Variants in IGSF3 observed in about 807,000 individuals in gnomAD.
IGSF3 encodes immunoglobulin superfamily member 3, also known as glu-Trp-Ile EWI motif-containing protein 3.
In IGSF3, 23 loss-of-function variants were observed where a neutral mutation model predicts 114.4. The observed-to-expected ratio is 0.20, with a 90% CI of 0.14 to 0.28. IGSF3 has a LOEUF of 0.28. Among genes scored for constraint, IGSF3 ranks in the 10% least tolerant of loss-of-function variants. IGSF3 has a pLI of 1.00. For synonymous variants in IGSF3, 571 were observed against 645.2 expected (o/e 0.88, Z 1.74); for missense variants, 1,172 against 1,591.5 (o/e 0.74, Z 4.48).
chr1:116,587,455 T>A (rs1571121966), intron 8 of IGSF3, among the ~76,000 whole-genome samples: 1 of 152,130 alleles, frequency 6.6e-6, no homozygotes, highest in Admixed American at 6.5e-5. Context: ...TGAATATCTA[T>A]GGCCAACATG....
At position 116,657,092 on chromosome 1, in the gene IGSF3, G is replaced by A. The variant is rs1296612840; in HGVS notation, c.43+9192C>T. On this transcript the variant is annotated intron_variant, in intron 2 of 10. Transcript: ENST00000369486. The surrounding 1 kb of genome is among the most constrained non-coding windows in gnomAD (Gnocchi z 4.2). ...ACTTACTTCAAATCAAATCTTAAGTGAAAATCAAGATTTCCTTTTGGGGGC... is the reference window on the plus strand; with the variant it reads ...ACTTACTTCAAATCAAATCTTAAGTAAAAATCAAGATTTCCTTTTGGGGGC... Among the ~76,000 whole-genome samples the A allele has an allele frequency of 6.6e-6, 1 of 152,122 alleles. No homozygotes were observed. The highest frequency in any genetic ancestry group is 1.5e-5 in the Non-Finnish European group (1 of 68,026).
chr1:116,581,442 A>ATG (rs1305369621), intron 9 of IGSF3, among the ~76,000 whole-genome samples: 2 of 151,512 alleles, frequency 1.3e-5, no homozygotes, highest in African/African-American at 2.4e-5. Flanking sequence ...AAAGGTGCCA[A>ATG]TGTAATGTAA....
intron 2 of IGSF3, among the ~76,000 whole-genome samples, chr1:116,645,466 A>G (rs2101061168): frequency 6.6e-6 from 1 of 152,358 alleles, no homozygotes; most frequent in South Asian, 2.1e-4. Flanking sequence ...ACAAAGAATT[A>G]CATATTTTAA....
intron 8 of IGSF3, among the ~76,000 whole-genome samples, chr1:116,587,968 G>T (rs1307953069): frequency 1.3e-5 from 2 of 152,222 alleles, no homozygotes; most frequent in Non-Finnish European, 2.9e-5. Flanking sequence ...CAGAGAAGGG[G>T]CATACATTTC....
rs1660004857 is a variant in IGSF3, at chr1:116,589,572, A to G, written c.2030-468T>C. On this transcript the variant is annotated intron_variant, in intron 7 of 10. Transcript: ENST00000369486. This position sits in a 1 kb window ranked among gnomAD's most constrained non-coding sequence, Gnocchi z 5.7. Reference sequence around the variant, plus strand: ...CTCCACAGGCGCATGCCCCTGGTGCAGTTTCCCTGAGCCCTGGCCTTTGCC... The same window carrying G: ...CTCCACAGGCGCATGCCCCTGGTGCGGTTTCCCTGAGCCCTGGCCTTTGCC... Among the ~76,000 whole-genome samples, 1 of 151,984 alleles carries G rather than the reference A, an allele frequency of 6.6e-6. No homozygotes were observed.
rs919067937 is a variant in IGSF3 at position 116,627,682 on chromosome 1, G to C, written c.44-11225C>G. 6.6e-6 allele frequency among the ~76,000 whole-genome samples: 1 copy of C among 152,192 alleles called. No individual in the cohort carries two copies. The highest frequency in any genetic ancestry group is 1.5e-5 in the Non-Finnish European group (1 of 68,030). On this transcript the variant is annotated intron_variant, in intron 2 of 10. Transcript: ENST00000369486. The surrounding 1 kb of genome is among the most constrained non-coding windows in gnomAD (Gnocchi z 4.7). ...GCGCCAACAGCAAAAGCACTTGGGG[G>C]GCTTTTTCAAGTGGCATCAGAACTA...
In IGSF3 at chr1:116,600,794, C is replaced by T. The variant is rs4078650; in HGVS notation, c.1625-449G>A. 0.029 allele frequency among the ~76,000 whole-genome samples: 4,356 copies of T among 151,858 alleles called. 86 individuals are homozygous for T. Among genetic ancestry groups the T allele is most frequent in the Non-Finnish European group, 0.043 (2,933 of 67,752 alleles). ...AACACCACTTTTCCTGGTCCCTTAG[C>T]GCACTGGTGCCGAGAAGGGAAGCAG... On this transcript the variant is annotated intron_variant, in intron 6 of 10. Coordinates refer to ENST00000369486, the MANE Select transcript of IGSF3 (RefSeq NM_001007237.3). The surrounding 1 kb of genome is among the most constrained non-coding windows in gnomAD (Gnocchi z 5.5).
intron 6 of IGSF3, among the ~76,000 whole-genome samples, chr1:116,602,856 T>C (rs1432334035): frequency 6.6e-6 from 1 of 152,246 alleles, no homozygotes; most frequent in Non-Finnish European, 1.5e-5. Context: ...TAAATGTTGA[T>C]AGAAGCCTCT....
Position 116,588,367 on chromosome 1 carries a change from A to C in IGSF3, c.2440+327T>G, listed in dbSNP as rs1474352410. On this transcript the variant is annotated intron_variant, in intron 8 of 10. Coordinates refer to ENST00000369486, the MANE Select transcript of IGSF3 (RefSeq NM_001007237.3). The surrounding 1 kb of genome is among the most constrained non-coding windows in gnomAD (Gnocchi z 4.9). The stretch of plus-strand genomic sequence containing the variant: ...GCCCAAGATTCAGGGTGCAAACTGC[A>C]AACCCAGAAGAAGATTCAGGAGCTG... Among the ~76,000 whole-genome samples, 1 of 152,206 alleles carries C rather than the reference A, an allele frequency of 6.6e-6. No individual in the cohort carries two copies. The highest frequency in any genetic ancestry group is 2.4e-5 in the African/African-American group (1 of 41,444).
Position 116,600,342 on chromosome 1 carries a change from A to G in IGSF3, c.1628T>C (p.Met543Thr), listed in dbSNP as rs376119768. 6.5e-5 allele frequency: 104 copies of G among 1,604,966 alleles called. No homozygotes were observed. Among genetic ancestry groups the G allele is most frequent in the Non-Finnish European group, 8.0e-5 (94 of 1,174,144 alleles). Residue 543 changes from methionine to threonine, a missense_variant, in exon 7 of 11, where the codon ATG (methionine) becomes ACG (threonine). This residue lies in a region of IGSF3 where 736 missense variants were observed against 1,042.0 expected (regional missense o/e 0.71). Coordinates refer to ENST00000369486, the MANE Select transcript of IGSF3 (RefSeq NM_001007237.3). The surrounding 1 kb of genome is among the most constrained non-coding windows in gnomAD (Gnocchi z 5.5). ...STPISITALE[M>T]GFAVTAISRT... ...GGAGATGGCTGTGACTGCGAAGCCC[A>G]TTTCTGGAGAGAAAGCAGAGAGATT...
Position 116,584,895 on chromosome 1 carries a change from A to G in IGSF3, c.2598T>C (p.Thr866=). 6.2e-7 allele frequency: 1 copy of G among 1,614,190 alleles called. No individual in the cohort carries two copies. The highest frequency in any genetic ancestry group is 8.5e-7 in the Non-Finnish European group (1 of 1,180,020). ...TGGCGTCACGGCTCAAGCGGGCCAC[A>G]GTCTCCCGCTCAGGGTGGTTGGGCT... ...VWKPNHPERE[T]VARLSRDATF... The change falls in exon 9 of 11, where the codon ACT becomes ACC. Residue 866 remains threonine, a synonymous_variant. Coordinates refer to ENST00000369486, the MANE Select transcript of IGSF3 (RefSeq NM_001007237.3). The surrounding 1 kb of genome is among the most constrained non-coding windows in gnomAD (Gnocchi z 5.8).
rs1156341357 is a variant in IGSF3 at position 116,634,024 on chromosome 1, G to A, written c.44-17567C>T. ...TCAGCCCTGCTAATGTGTACAGTCA[G>A]CATCAAAGAGGTAACAATGGTAGAG... On this transcript the variant is annotated intron_variant, in intron 2 of 10. Coordinates refer to ENST00000369486, the MANE Select transcript of IGSF3 (RefSeq NM_001007237.3). This position sits in a 1 kb window ranked among gnomAD's most constrained non-coding sequence, Gnocchi z 4.2. Among the ~76,000 whole-genome samples, 1 of 152,194 alleles carries A rather than the reference G, an allele frequency of 6.6e-6. No homozygotes were observed. Among genetic ancestry groups the A allele is most frequent in the East Asian group, 1.9e-4 (1 of 5,190 alleles).
rs894859265 is a variant in IGSF3, at chr1:116,594,709, A to C, written c.2029+5232T>G. Among the ~76,000 whole-genome samples the C allele has an allele frequency of 1.3e-5, 2 of 151,922 alleles. No individual in the cohort carries two copies. The highest frequency in any genetic ancestry group is 2.9e-5 in the Non-Finnish European group (2 of 67,978). On this transcript the variant is annotated intron_variant, in intron 7 of 10. Transcript: ENST00000369486. This position sits in a 1 kb window ranked among gnomAD's most constrained non-coding sequence, Gnocchi z 5.2. ...CCACCCTCACCCCATGCTCCCATGT[A>C]CAAAAGGGACTTCTTGATCCCTGCC...
In IGSF3 at chr1:116,618,443, T is replaced by G. The variant is rs1453010806; in HGVS notation, c.44-1986A>C. The stretch of plus-strand genomic sequence containing the variant: ...CAATGAGGAAACACATGTGCAACAG[T>G]GATCCTGTAAGATTATAATGGAGCA... On this transcript the variant is annotated intron_variant, in intron 2 of 10. Transcript: ENST00000369486. This position sits in a 1 kb window ranked among gnomAD's most constrained non-coding sequence, Gnocchi z 4.7. 1.3e-5 allele frequency among the ~76,000 whole-genome samples: 2 copies of G among 152,220 alleles called. No individual in the cohort carries two copies. The highest frequency in any genetic ancestry group is 3.8e-4 in the East Asian group (2 of 5,206).
intron 2 of IGSF3, among the ~76,000 whole-genome samples, chr1:116,643,605 G>A (rs1648209273): frequency 6.6e-6 from 1 of 152,268 alleles, no homozygotes; most frequent in African/African-American, 2.4e-5. Context: ...TCCTGGGGAT[G>A]CAGGCACAGC....
At position 116,665,329 on chromosome 1, in the gene IGSF3, A is replaced by G. The variant is rs536724223; in HGVS notation, c.43+955T>C. Among the ~76,000 whole-genome samples, 2 of 152,312 alleles carry G rather than the reference A, an allele frequency of 1.3e-5. No homozygotes were observed. The highest frequency in any genetic ancestry group is 3.9e-4 in the East Asian group (2 of 5,186). ...GACGTGAACCCTGTAGGCAACAATC[A>G]TAATCCCTTCTGAATGCAGAGGACC... On this transcript the variant is annotated intron_variant, in intron 2 of 10. Coordinates refer to ENST00000369486, the MANE Select transcript of IGSF3 (RefSeq NM_001007237.3). This position sits in a 1 kb window ranked among gnomAD's most constrained non-coding sequence, Gnocchi z 4.0.
chr1:116,625,581 G>A lies in IGSF3; in HGVS notation c.44-9124C>T, dbSNP rs1557876795. On this transcript the variant is annotated intron_variant, in intron 2 of 10. Coordinates refer to ENST00000369486, the MANE Select transcript of IGSF3 (RefSeq NM_001007237.3). This position sits in a 1 kb window ranked among gnomAD's most constrained non-coding sequence, Gnocchi z 4.7. Reference sequence around the variant, plus strand: ...CAGAGGTAAGGAAGAAGACGGATCAGATTTACGCTTTCGAATTATCACTCT... The same window carrying A: ...CAGAGGTAAGGAAGAAGACGGATCAAATTTACGCTTTCGAATTATCACTCT... 6.6e-6 allele frequency among the ~76,000 whole-genome samples: 1 copy of A among 152,246 alleles called. No homozygotes were observed. Among genetic ancestry groups the A allele is most frequent in the Non-Finnish European group, 1.5e-5 (1 of 68,046 alleles).
In IGSF3 at chr1:116,612,448, G is replaced by A. The variant is rs375556824; in HGVS notation, c.832+1317C>T. The stretch of plus-strand genomic sequence containing the variant: ...ATAGCAGAAGAATCACCTGGGAAGC[G>A]TGCCGGAAATCCAGCTTCCCAGGTC... On this transcript the variant is annotated intron_variant, in intron 4 of 10. Coordinates refer to ENST00000369486, the MANE Select transcript of IGSF3 (RefSeq NM_001007237.3). This position sits in a 1 kb window ranked among gnomAD's most constrained non-coding sequence, Gnocchi z 4.1. Among the ~76,000 whole-genome samples the A allele has an allele frequency of 6.6e-5, 10 of 152,100 alleles. No homozygotes were observed. In the South Asian group the frequency reaches 8.3e-4, roughly 13 times the overall value.
In IGSF3 at chr1:116,593,600, C is replaced by T. The variant is rs1343710045; in HGVS notation, c.2030-4496G>A. 6.6e-6 allele frequency among the ~76,000 whole-genome samples: 1 copy of T among 152,188 alleles called. No homozygotes were observed. Among genetic ancestry groups the T allele is most frequent in the East Asian group, 1.9e-4 (1 of 5,200 alleles). On this transcript the variant is annotated intron_variant, in intron 7 of 10. Transcript: ENST00000369486. This position sits in a 1 kb window ranked among gnomAD's most constrained non-coding sequence, Gnocchi z 4.5. ...CCCCTGAGTCCCTCTGTCCTTAACA[C>T]CCCTTGGCTCCCTGCTCTCTCCACA... is the stretch of plus-strand genomic sequence containing the variant.
Sources: gnomAD v4.1 joint callset for allele counts (sites outside exome capture counted in the v4.1 genomes callset) on GRCh38, gnomAD v4.1.1 for gene constraint, gnomAD v4.1.1 regional missense constraint, Gnocchi (gnomAD v3.1) non-coding constraint, MANE v1.5 for transcripts, NCBI Gene and HGNC (gene_info 2026-07-23, HGNC 2026-07-21) for gene names.